Variants in PLCB4 observed in about 807,000 individuals in gnomAD.
The protein encoded by PLCB4 is 1-phosphatidylinositol 4,5-bisphosphate phosphodiesterase beta-4.
A neutral mutation model predicts 178.8 loss-of-function variants in PLCB4; 77 were observed. The observed-to-expected ratio is 0.43, with a 90% CI of 0.36 to 0.52. The LOEUF is 0.52. Among genes scored for constraint, PLCB4 ranks in the 20% least tolerant of loss-of-function variants. The pLI is 0.00. For missense variants in PLCB4, 1,024 were observed against 1,453.4 expected (o/e 0.70, Z 4.80); for synonymous variants, 496 against 490.8 (o/e 1.01, Z -0.14).
intron 3 of PLCB4, among the ~76,000 whole-genome samples, chr20:9,277,752 G>A (rs1355536129): frequency 1.3e-5 from 2 of 152,000 alleles, no homozygotes; most frequent in Non-Finnish European, 2.9e-5. Flanking sequence ...CCCAAGTACT[G>A]TGACAGAAGG....
intron 1 of PLCB4, among the ~76,000 whole-genome samples, chr20:9,072,770 T>C (rs2146465899): frequency 6.6e-6 from 1 of 152,346 alleles, no homozygotes; most frequent in South Asian, 2.1e-4. Context: ...GTAATAATGC[T>C]GTACCTTTCA....
chr20:9,330,930 G>T (rs143598240), intron 4 of PLCB4, among the ~76,000 whole-genome samples: 1 of 152,122 alleles, frequency 6.6e-6, no homozygotes, highest in Non-Finnish European at 1.5e-5. Context: ...TCATAAGTAC[G>T]ACCATTTAGT....
At chr20:9,145,505 A>T (rs6056428) in intron 2 of PLCB4, among the ~76,000 whole-genome samples, 1 of 151,504 alleles carries the variant, frequency 6.6e-6, no homozygotes, top group Non-Finnish European at 1.5e-5. Flanking sequence ...CAATTATCAA[A>T]GTTCTTTTTT....
intron 15 of PLCB4, among the ~76,000 whole-genome samples, chr20:9,388,243 A>T (rs1047935229): frequency 3.3e-5 from 5 of 152,230 alleles, no homozygotes; most frequent in Non-Finnish European, 2.9e-5. Context: ...CATCTCAATA[A>T]ATAAATAAGT....
intron 4 of PLCB4, among the ~76,000 whole-genome samples, chr20:9,334,477 G>A (rs928847192): frequency 2.6e-5 from 4 of 152,110 alleles, no homozygotes; most frequent in South Asian, 2.1e-4. Flanking sequence ...AAGATTAAAC[G>A]TCACTGTTGA....
chr20:9,309,811 TG>T (rs1315815329), intron 4 of PLCB4, among the ~76,000 whole-genome samples: 6 of 152,220 alleles, frequency 3.9e-5, no homozygotes, highest in African/African-American at 1.4e-4. Flanking sequence ...TTATTGCTTG[TG>T]TTTTTTTTGA....
chr20:9,126,617 A>G (rs2092120492), intron 2 of PLCB4, among the ~76,000 whole-genome samples: 1 of 152,176 alleles, frequency 6.6e-6, no homozygotes, highest in South Asian at 2.1e-4. Flanking sequence ...TGCACTTATA[A>G]TATAATTGCA....
intron 3 of PLCB4, among the ~76,000 whole-genome samples, chr20:9,220,091 C>T (rs949114798): frequency 3.3e-5 from 5 of 152,002 alleles, no homozygotes; most frequent in Non-Finnish European, 7.4e-5. Flanking sequence ...AACAAAATGA[C>T]TGTTTTTGGA....
intron 2 of PLCB4, among the ~76,000 whole-genome samples, chr20:9,130,119 A>C (rs1172726258): frequency 6.6e-6 from 1 of 152,180 alleles, no homozygotes; most frequent in African/African-American, 2.4e-5. Context: ...AATGCAATGC[A>C]GCCGACAATG....
At chr20:9,270,924 A>T (rs2094396702) in intron 3 of PLCB4, among the ~76,000 whole-genome samples, 1 of 152,108 alleles carries the variant, frequency 6.6e-6, no homozygotes, top group Non-Finnish European at 1.5e-5. Context: ...GAAAAGATGG[A>T]CTCATTTTTG....
At chr20:9,426,171 G>T (rs73250474) in intron 28 of PLCB4, among the ~76,000 whole-genome samples, 5,257 of 151,998 alleles carry the variant, frequency 0.035, 307 homozygotes, top group African/African-American at 0.12. Context: ...TACATCATTA[G>T]ATTTATATTT....
At chr20:9,442,521 CAAAAAGAAAA>C (rs1248583000) in intron 30 of PLCB4, among the ~76,000 whole-genome samples, 2 of 89,624 alleles carry the variant, frequency 2.2e-5, no homozygotes, top group Non-Finnish European at 4.3e-5. Flanking sequence ...TGAACCAAGA[CAAAAAGAAAA>C]TAAAAATTGA....
chr20:9,313,661 T>C (rs991393981), intron 4 of PLCB4, among the ~76,000 whole-genome samples: 12 of 152,200 alleles, frequency 7.9e-5, no homozygotes, highest in African/African-American at 2.9e-4. Context: ...TTTCTTAAGC[T>C]CCTGTCTCTA....
intron 12 of PLCB4, 133 bp from the exon 13 acceptor site, chr20:9,379,920 AG>A: frequency 1.9e-6 from 1 of 539,020 alleles, no homozygotes; most frequent in Non-Finnish European, 3.3e-6. Flanking sequence ...GCAGGAAGGC[AG>A]TGAGGTCCTA....
At chr20:9,402,208 A>G (rs2039080071) in intron 20 of PLCB4, among the ~76,000 whole-genome samples, 1 of 152,252 alleles carries the variant, frequency 6.6e-6, no homozygotes, top group East Asian at 1.9e-4. Flanking sequence ...CTATATAATT[A>G]CAACTTACGG....
At chr20:9,209,448 C>T (rs2093649156) in intron 2 of PLCB4, among the ~76,000 whole-genome samples, 1 of 151,624 alleles carries the variant, frequency 6.6e-6, no homozygotes, top group Non-Finnish European at 1.5e-5. Context: ...CGGGATGTCA[C>T]TCCTGTGATT....
At chr20:9,451,689 T>C (rs1457729932) in intron 32 of PLCB4, among the ~76,000 whole-genome samples, 1 of 152,220 alleles carries the variant, frequency 6.6e-6, no homozygotes, top group Admixed American at 6.5e-5. Flanking sequence ...CTCAAGTCAC[T>C]CTCTGTGTGT....
At chr20:9,149,548 C>T (rs577341469) in intron 2 of PLCB4, among the ~76,000 whole-genome samples, 64 of 151,658 alleles carry the variant, frequency 4.2e-4, no homozygotes, top group African/African-American at 1.3e-3. Flanking sequence ...GTGCAGGTGA[C>T]ATCCACGTTA....
intron 32 of PLCB4, 52 bp from the exon 33 acceptor site, chr20:9,453,295 G>A: frequency 9.7e-7 from 1 of 1,030,862 alleles, no homozygotes; most frequent in Non-Finnish European, 1.5e-6. Flanking sequence ...GCCCTATATG[G>A]TGTGAGCCAT....
Sources: gnomAD v4.1 joint callset for allele counts (sites outside exome capture counted in the v4.1 genomes callset) on GRCh38, gnomAD v4.1.1 for gene constraint, MANE v1.5 for transcripts, NCBI Gene and HGNC (gene_info 2026-07-23, HGNC 2026-07-21) for gene names.